The following MEGF11 variants were observed in gnomAD, a reference collection of about 807,000 sequenced individuals.
MEGF11 encodes multiple EGF like domains 11, also known as multiple epidermal growth factor-like domains protein 11.
A neutral mutation model predicts 146.6 loss-of-function variants in MEGF11; 126 were observed. The observed-to-expected ratio is 0.86, with a 90% CI of 0.74 to 1.00. MEGF11 has a LOEUF of 1.00. MEGF11 is among the 50% of genes least tolerant of loss of function. The pLI is 0.00. For synonymous variants in MEGF11, 532 were observed against 583.4 expected (o/e 0.91, Z 1.27); for missense variants, 1,509 against 1,521.2 (o/e 0.99, Z 0.13).
At chr15:66,033,782 ATTTTT>A (rs1054550202) in intron 5 of MEGF11, among the ~76,000 whole-genome samples, 13 of 151,888 alleles carry the variant, frequency 8.6e-5, no homozygotes, top group African/African-American at 2.7e-4. Flanking sequence ...GGATTTATTT[ATTTTT>A]ATTTTTTATT....
chr15:66,056,940 T>C (rs1055185189), intron 5 of MEGF11, among the ~76,000 whole-genome samples: 2 of 152,256 alleles, frequency 1.3e-5, no homozygotes, highest in Non-Finnish European at 2.9e-5. Flanking sequence ...CAGTCCTCAA[T>C]GTTGCAGTCT....
chr15:66,109,652 G>A (rs1023539490), intron 4 of MEGF11, among the ~76,000 whole-genome samples: 30 of 152,284 alleles, frequency 2.0e-4, no homozygotes, highest in Admixed American at 1.1e-3. Context: ...CTCTCCGGCC[G>A]GCTGAGGTCT....
At chr15:66,240,435 G>A (rs555688338) in intron 1 of MEGF11, among the ~76,000 whole-genome samples, 11 of 152,358 alleles carry the variant, frequency 7.2e-5, no homozygotes, top group Admixed American at 5.2e-4. Flanking sequence ...CAGGCCTGTT[G>A]CCTGTCACGC....
intron 10 of MEGF11, among the ~76,000 whole-genome samples, chr15:65,937,796 A>G (rs868468359): frequency 1.8e-4 from 27 of 152,250 alleles, no homozygotes; most frequent in African/African-American, 4.8e-4. Context: ...AGTTAATTTA[A>G]TTCTAATTAA....
intron 5 of MEGF11, among the ~76,000 whole-genome samples, chr15:65,986,297 A>C (rs1321390965): frequency 6.6e-6 from 1 of 152,214 alleles, no homozygotes; most frequent in Non-Finnish European, 1.5e-5. Context: ...TCTGTGTCAT[A>C]GTAAGAAACT....
intron 1 of MEGF11, among the ~76,000 whole-genome samples, chr15:66,192,901 A>C (rs1445120243): frequency 6.6e-6 from 1 of 152,208 alleles, no homozygotes; most frequent in African/African-American, 2.4e-5. Flanking sequence ...GGTACTAGCT[A>C]TTCATTGGCA....
intron 1 of MEGF11, among the ~76,000 whole-genome samples, chr15:66,158,402 G>A (rs952767026): frequency 2.0e-5 from 3 of 152,256 alleles, no homozygotes; most frequent in South Asian, 2.1e-4. Flanking sequence ...AGATGGAACC[G>A]TGTGGACTCA....
rs1597139928 is a variant in MEGF11, at chr15:66,183,548, A to C, written c.-8-55137T>G. ...ACACCCCCCTGCCAAAAAGAAAAAA[A>C]AAAAAAAGAAAACGGATGCCACGAA... On this transcript the variant is annotated intron_variant, in intron 1 of 25. Coordinates refer to ENST00000395614, the MANE Select transcript of MEGF11 (RefSeq NM_001385028.1). 2.6e-5 allele frequency among the ~76,000 whole-genome samples: 4 copies of C among 152,108 alleles called. No individual in the cohort carries two copies. The East Asian group carries it at 7.7e-4, about 29-fold the overall frequency.
At chr15:66,114,385 T>C (rs1169573584) in intron 4 of MEGF11, among the ~76,000 whole-genome samples, 8 of 152,210 alleles carry the variant, frequency 5.3e-5, no homozygotes, top group Admixed American at 2.6e-4. Flanking sequence ...ACACCTAATA[T>C]GAAGAAGAAA....
Position 65,916,841 on chromosome 15 carries a change from G to A in MEGF11, c.2202C>T (p.Leu734=), listed in dbSNP as rs1567155226. ...GGTGGGGCTTACGCTGTGTGCAGAA[G>A]AGTCCAGTCCAGCCAGGGGTGCAGT... ...ACHCTPGWTG[L]FCTQRCPAAF... Residue 734 remains leucine (L), a synonymous_variant, in exon 17 of 26, where the codon CTC becomes CTT. Transcript: ENST00000395614. 3 of 1,607,810 alleles carry A rather than the reference G, an allele frequency of 1.9e-6. No individual in the cohort carries two copies. The Admixed American group carries it at 5.0e-5, about 27-fold the overall frequency.
intron 5 of MEGF11, among the ~76,000 whole-genome samples, chr15:66,066,111 G>A (rs1360247982): frequency 1.3e-5 from 2 of 152,194 alleles, no homozygotes; most frequent in African/African-American, 2.4e-5. Flanking sequence ...TGTGGGTTTG[G>A]CCTCCCTAAG....
intron 1 of MEGF11, among the ~76,000 whole-genome samples, chr15:66,231,732 A>G (rs2140202756): frequency 6.6e-6 from 1 of 152,330 alleles, no homozygotes; most frequent in South Asian, 2.1e-4. Context: ...TTAATCACTA[A>G]TGAAGCATAG....
chr15:66,202,130 C>T (rs72744497), intron 1 of MEGF11, among the ~76,000 whole-genome samples: 7,212 of 143,794 alleles, frequency 0.05, 255 homozygotes, highest in East Asian at 0.078. Flanking sequence ...CGTGCATGCA[C>T]ACACACACAC....
At chr15:66,067,276 T>G (rs568538391) in intron 5 of MEGF11, among the ~76,000 whole-genome samples, 2 of 152,224 alleles carry the variant, frequency 1.3e-5, no homozygotes, top group Non-Finnish European at 2.9e-5. Context: ...ACGTTACTAC[T>G]GCAGTTATTA....
rs80258703 is a variant in MEGF11, at chr15:66,114,328, C to T, written c.301+4758G>A. On this transcript the variant is annotated intron_variant, in intron 4 of 25. Transcript: ENST00000395614. ...GAGTTGCTGCTCCATCAGCCTAGGA[C>T]CTGGGGTGAGGCTGACAAGGAGCAG... 1.4e-3 allele frequency among the ~76,000 whole-genome samples: 218 copies of T among 152,276 alleles called. 3 individuals are homozygous for T. The East Asian group carries it at 0.039, about 27-fold the overall frequency.
At chr15:65,943,264 C>G (rs927626901) in intron 10 of MEGF11, among the ~76,000 whole-genome samples, 1 of 152,164 alleles carries the variant, frequency 6.6e-6, no homozygotes, top group African/African-American at 2.4e-5. Flanking sequence ...AGGCATGAGC[C>G]ACCACGTTCC....
In MEGF11 at chr15:65,997,854, T is replaced by C. The variant is rs756980152; in HGVS notation, c.395-15366A>G. 2.6e-5 allele frequency among the ~76,000 whole-genome samples: 4 copies of C among 152,140 alleles called. No homozygotes were observed. The East Asian group carries it at 5.8e-4, about 22-fold the overall frequency. ...AACAATGAGAGGGACTTCCTTTCAA[T>C]TGGGAGGCCAGAGAGGTCGCTCTGA... On this transcript the variant is annotated intron_variant, in intron 5 of 25. Transcript: ENST00000395614.
chr15:66,248,697 A>G (rs1321800016), intron 1 of MEGF11, among the ~76,000 whole-genome samples: 1 of 152,364 alleles, frequency 6.6e-6, no homozygotes, highest in Non-Finnish European at 1.5e-5. Flanking sequence ...GGATCAAACT[A>G]AAAGCAAGGT....
intron 5 of MEGF11, among the ~76,000 whole-genome samples, chr15:66,045,897 G>A (rs2084184482): frequency 1.3e-5 from 2 of 152,114 alleles, no homozygotes; most frequent in South Asian, 4.1e-4. Flanking sequence ...GAGGTCAGGA[G>A]TTCAAGACCA....
Sources: gnomAD v4.1 joint callset for allele counts (sites outside exome capture counted in the v4.1 genomes callset) on GRCh38, gnomAD v4.1.1 for gene constraint, MANE v1.5 for transcripts, NCBI Gene and HGNC (gene_info 2026-07-23, HGNC 2026-07-21) for gene names.